Variants in PRKACB observed in about 807,000 individuals in gnomAD.
PRKACB encodes protein kinase cAMP-activated catalytic subunit beta.
A neutral mutation model predicts 51.4 loss-of-function variants in PRKACB; 16 were observed. The ratio of observed to expected loss-of-function variants is 0.31; its 90% CI spans 0.21 to 0.47. The LOEUF is 0.47. PRKACB is among the 20% of genes least tolerant of loss of function. The pLI, the probability that PRKACB is intolerant of heterozygous loss-of-function variation, is 1.00. For missense variants in PRKACB, 309 were observed against 464.5 expected, an observed-to-expected ratio of 0.67 and a Z score of 3.08; for synonymous variants, 147 against 154.4, an observed-to-expected ratio of 0.95 and a Z score of 0.35.
intron 1 of PRKACB, among the ~76,000 whole-genome samples, chr1:84,114,844 C>T (rs79966517): frequency 0.013 from 2,040 of 152,250 alleles, 53 homozygotes; most frequent in African/African-American, 0.046. Context: ...CCAGTTCTAG[C>T]CATATTGCTG....
chr1:84,173,286 A>G (rs1161971075), intron 1 of PRKACB: 2 of 1,497,572 alleles, frequency 1.3e-6, no homozygotes, highest in East Asian at 2.4e-5. Context: ...TAGGTATGTT[A>G]TTTTATGTGT....
chr1:84,097,894 G>A lies in PRKACB; in HGVS notation c.46+19523G>A, dbSNP rs369631148. Among the ~76,000 whole-genome samples, 37 of 152,086 alleles carry A rather than the reference G, an allele frequency of 2.4e-4. No homozygotes were observed. In the East Asian group the frequency reaches 2.5e-3, roughly 10 times the overall value. ...AATGCTCATCCACATTATTAAGGTC[G>A]GTCTTCTTTATTCAGCCTGCTGATT... On this transcript the variant is annotated intron_variant, in intron 1 of 8. Transcript: ENST00000370688.
At chr1:84,205,575 T>C (rs1572430272) in intron 8 of PRKACB, 1 of 152,102 alleles carries the variant, frequency 6.6e-6, no homozygotes, top group East Asian at 1.9e-4. Flanking sequence ...CAGCATCTTA[T>C]ATTGATTATA....
chr1:84,147,686 A>G (rs942870424), intron 1 of PRKACB, among the ~76,000 whole-genome samples: 12 of 152,014 alleles, frequency 7.9e-5, no homozygotes, highest in African/African-American at 2.9e-4. Flanking sequence ...GTTGTTACTA[A>G]AGAGAAAATG....
intron 1 of PRKACB, among the ~76,000 whole-genome samples, chr1:84,104,024 A>C (rs1649545919): frequency 1.3e-5 from 2 of 152,176 alleles, no homozygotes; most frequent in Admixed American, 1.3e-4. Flanking sequence ...AATTATTGTA[A>C]ATTATAGTCA....
intron 1 of PRKACB, among the ~76,000 whole-genome samples, chr1:84,103,952 A>G (rs1649542167): frequency 6.6e-6 from 1 of 152,130 alleles, no homozygotes; most frequent in South Asian, 2.1e-4. Flanking sequence ...TACCATAAAC[A>G]TTTATCATTT....
chr1:84,091,784 C>A (rs1342116854), intron 1 of PRKACB, among the ~76,000 whole-genome samples: 1 of 152,072 alleles, frequency 6.6e-6, no homozygotes, highest in Non-Finnish European at 1.5e-5. Context: ...GGATTACAGG[C>A]GTAAGCCACC....
intron 9 of PRKACB, among the ~76,000 whole-genome samples, chr1:84,221,183 A>T (rs950456064): frequency 1.3e-5 from 2 of 151,988 alleles, no homozygotes; most frequent in Non-Finnish European, 2.9e-5. Flanking sequence ...TGTAGGTTGT[A>T]TGTGTCCAAG....
intron 1 of PRKACB, among the ~76,000 whole-genome samples, chr1:84,151,505 G>A (rs535004939): frequency 1.3e-4 from 20 of 152,170 alleles, no homozygotes; most frequent in South Asian, 2.1e-4. Context: ...TCTGTAGCAT[G>A]TGATGTTTTT....
At chr1:84,089,083 G>A (rs531954375) in intron 1 of PRKACB, among the ~76,000 whole-genome samples, 7 of 152,248 alleles carry the variant, frequency 4.6e-5, no homozygotes, top group African/African-American at 1.7e-4. Flanking sequence ...CCACTACAGT[G>A]TGATCTGGCA....
intron 1 of PRKACB, among the ~76,000 whole-genome samples, chr1:84,121,462 C>T (rs1177846359): frequency 6.6e-6 from 1 of 151,844 alleles, no homozygotes; most frequent in Non-Finnish European, 1.5e-5. Flanking sequence ...TGAAAAATCC[C>T]CAAACTTCTT....
At chr1:84,195,619 C>T (rs1667987546) in intron 5 of PRKACB, among the ~76,000 whole-genome samples, 1 of 151,926 alleles carries the variant, frequency 6.6e-6, no homozygotes, top group Non-Finnish European at 1.5e-5. Flanking sequence ...CTAATATATA[C>T]ATAAAAGAAC....
At chr1:84,107,365 C>G (rs1649839180) in intron 1 of PRKACB, among the ~76,000 whole-genome samples, 1 of 151,976 alleles carries the variant, frequency 6.6e-6, no homozygotes, top group African/African-American at 2.4e-5. Context: ...AAATGGAGAA[C>G]CTAAAACTGT....
upstream of PRKACB, among the ~76,000 whole-genome samples, chr1:84,139,776 G>A (rs1414133817): frequency 6.6e-6 from 1 of 152,142 alleles, no homozygotes; most frequent in Non-Finnish European, 1.5e-5. Flanking sequence ...AAAGGAAAAA[G>A]GGCCGGGCAC....
intron 5 of PRKACB, among the ~76,000 whole-genome samples, chr1:84,189,945 T>C (rs1217423399): frequency 6.6e-6 from 1 of 151,976 alleles, no homozygotes; most frequent in Non-Finnish European, 1.5e-5. Flanking sequence ...CTTTCCAATT[T>C]CTTTCCCTAA....
At chr1:84,102,416 CA>C (rs1177350995) in intron 1 of PRKACB, among the ~76,000 whole-genome samples, 3 of 151,654 alleles carry the variant, frequency 2.0e-5, no homozygotes, top group African/African-American at 7.3e-5. Context: ...AACAAAAATG[CA>C]AAAAGAGAAT....
Position 84,184,126 on chromosome 1 carries a change from T to C in PRKACB, c.468T>C (p.Tyr156=). 6.2e-7 allele frequency: 1 copy of C among 1,601,466 alleles called. No individual in the cohort carries two copies. Among genetic ancestry groups the C allele is most frequent in the Non-Finnish European group, 8.5e-7 (1 of 1,174,586 alleles). Residue 156 remains tyrosine (Y), a synonymous_variant, in exon 4 of 10, where the codon TAT becomes TAC. Coordinates refer to ENST00000370685, the MANE Select transcript of PRKACB (RefSeq NM_182948.4). ...TTCCTTTCCTTGTTCGACTGGAGTA[T>C]GCTTTTAAGGTAAATTTTAGTAATA... is the stretch of plus-strand genomic sequence containing the variant. The part of the protein sequence containing the change: ...VNFPFLVRLE[Y]AFKDNSNLYM...
chr1:84,208,056 C>T (rs1027622771), intron 8 of PRKACB, among the ~76,000 whole-genome samples: 2 of 151,928 alleles, frequency 1.3e-5, no homozygotes, highest in African/African-American at 4.8e-5. Context: ...TTAGTAGGGA[C>T]AGGGTTTCAC....
At chr1:84,095,403 A>G (rs1648854055) in intron 1 of PRKACB, among the ~76,000 whole-genome samples, 1 of 151,900 alleles carries the variant, frequency 6.6e-6, no homozygotes, top group African/African-American at 2.4e-5. Context: ...TTCAGGATAT[A>G]TTTTATAAGT....
Sources: gnomAD v4.1 joint callset for allele counts (sites outside exome capture counted in the v4.1 genomes callset) on GRCh38, gnomAD v4.1.1 for gene constraint, MANE v1.5 for transcripts, NCBI Gene and HGNC (gene_info 2026-07-23, HGNC 2026-07-21) for gene names.